Variants in SH3BGR observed in about 807,000 individuals in gnomAD.
SH3BGR encodes SH3 domain binding glutamate rich protein, also known as SH3 domain-binding glutamic acid-rich protein.
Under a neutral mutation model 24.5 loss-of-function variants are expected in SH3BGR, and 29 were observed. The ratio of observed to expected loss-of-function variants is 1.18; its 90% CI spans 0.88 to 1.61. The LOEUF is 1.61. SH3BGR is among the 40% of genes most tolerant of loss of function. SH3BGR has a pLI of 0.00. For synonymous variants in SH3BGR, 55 were observed against 65.7 expected, an observed-to-expected ratio of 0.84 and a Z score of 0.79; for missense variants, 162 against 205.8, an observed-to-expected ratio of 0.79 and a Z score of 1.30.
chr21:39,476,931 C>T (rs1490962702), intron 3 of SH3BGR, among the ~76,000 whole-genome samples: 4 of 152,100 alleles, frequency 2.6e-5, no homozygotes, highest in Non-Finnish European at 1.5e-5. Context: ...CACCAAGAGT[C>T]CCAATAAACA....
At chr21:39,508,443 CCA>C (rs2078621376) in intron 4 of SH3BGR, among the ~76,000 whole-genome samples, 2 of 152,188 alleles carry the variant, frequency 1.3e-5, no homozygotes, top group Admixed American at 1.3e-4. Context: ...TTGGGTGACC[CCA>C]CCCACTCTTA....
chr21:39,475,031 G>A (rs2078004317), intron 2 of SH3BGR, 104 bp from the exon 3 acceptor site: 1 of 667,608 alleles, frequency 1.5e-6, no homozygotes, highest in South Asian at 2.0e-5. Flanking sequence ...CTTTTTGTGT[G>A]AGCTCCTAAC....
chr21:39,478,461 CA>C (rs2078064259), intron 3 of SH3BGR, among the ~76,000 whole-genome samples: 1 of 152,086 alleles, frequency 6.6e-6, no homozygotes, highest in South Asian at 2.1e-4. Flanking sequence ...TTTTAGGGTC[CA>C]ATTTTTTGGT....
At position 39,509,145 on chromosome 21, in the gene SH3BGR, A is replaced by G. The variant is rs997709272; in HGVS notation, c.435+118A>G. The G allele has an allele frequency of 3.8e-5, 27 of 707,850 alleles. No homozygotes were observed. The African/African-American group carries it at 4.7e-4, about 12-fold the overall frequency. The allele number at this position is 707,850 out of a possible 1,614,324, so 43.8% of individuals were successfully genotyped here. A position where few individuals can be genotyped will look rare whatever the true frequency, so the allele number is the denominator to read the frequency against. ...AACATAAGAGAGCGATGCAACCCAC[A>G]CACCCAGAAAATCCTCCTTTAACAT... On this transcript the variant is annotated intron_variant, in intron 5 of 6. Transcript: ENST00000333634.
intron 6 of SH3BGR, among the ~76,000 whole-genome samples, chr21:39,513,621 C>G (rs2078735025): frequency 6.6e-6 from 1 of 152,126 alleles, no homozygotes; most frequent in East Asian, 1.9e-4. Context: ...CCACAGACTT[C>G]TACTTTAAAG....
At chr21:39,451,706 A>AC, upstream of SH3BGR, 1 of 618,426 alleles carries the variant, frequency 1.6e-6, no homozygotes, top group South Asian at 2.1e-5. Flanking sequence ...CTGCTCTGTT[A>AC]CCGGGGCCCC....
intron 2 of SH3BGR, 137 bp from the exon 3 acceptor site, chr21:39,474,998 T>G: frequency 1.7e-6 from 1 of 591,876 alleles, no homozygotes; most frequent in South Asian, 2.1e-5. Flanking sequence ...GTTAGTCATC[T>G]TTGATAAAGC....
intron 2 of SH3BGR, among the ~76,000 whole-genome samples, chr21:39,465,896 A>G (rs978467716): frequency 3.9e-5 from 6 of 152,174 alleles, no homozygotes; most frequent in Non-Finnish European, 8.8e-5. Flanking sequence ...TGGCTGCCCC[A>G]TATTTTAATG....
chr21:39,456,612 G>C (rs1033542070), intron 1 of SH3BGR, among the ~76,000 whole-genome samples: 1 of 146,716 alleles, frequency 6.8e-6, no homozygotes, highest in African/African-American at 2.5e-5. Context: ...ATTCCATGCG[G>C]GGTAGCAGAT....
chr21:39,514,871 G>T (rs2078755906), intron 6 of SH3BGR, among the ~76,000 whole-genome samples: 1 of 152,212 alleles, frequency 6.6e-6, no homozygotes, highest in African/African-American at 2.4e-5. Flanking sequence ...CTTCCTTATG[G>T]TGTTTGATAT....
chr21:39,484,070 G>A (rs990872286), intron 3 of SH3BGR, among the ~76,000 whole-genome samples: 3 of 152,208 alleles, frequency 2.0e-5, no homozygotes, highest in Admixed American at 6.5e-5. Flanking sequence ...GATAAGAGCT[G>A]AGGCAAGAAA....
intron 1 of SH3BGR, among the ~76,000 whole-genome samples, chr21:39,457,275 CAT>C (rs2077673068): frequency 7.4e-6 from 1 of 134,990 alleles, no homozygotes; most frequent in Admixed American, 7.5e-5. Context: ...ATATAAAAGT[CAT>C]ATATAAGATT....
chr21:39,500,067 G>A (rs1425023307), intron 4 of SH3BGR, 152 bp downstream of exon 4: 2 of 623,964 alleles, frequency 3.2e-6, no homozygotes, highest in Admixed American at 5.5e-5. Context: ...AATTTCTACT[G>A]ATGTGTTAAG....
At chr21:39,447,357 T>C (rs990085571), upstream of SH3BGR, among the ~76,000 whole-genome samples, 1 of 152,004 alleles carries the variant, frequency 6.6e-6, no homozygotes, top group African/African-American at 2.4e-5. Flanking sequence ...TTTCCCAGTC[T>C]GTAGACATGA....
At chr21:39,453,951 A>G (rs1417320606) in intron 1 of SH3BGR, among the ~76,000 whole-genome samples, 1 of 152,132 alleles carries the variant, frequency 6.6e-6, no homozygotes, top group East Asian at 1.9e-4. Flanking sequence ...TATAATTGTT[A>G]TTATTAGTTA....
At chr21:39,499,764 G>A in intron 3 of SH3BGR, 59 bp from the exon 4 acceptor site, 2 of 1,041,766 alleles carry the variant, frequency 1.9e-6, no homozygotes, top group South Asian at 1.6e-5. Flanking sequence ...TATGTGGCCT[G>A]TTTTTTTTTT....
chr21:39,495,896 G>A (rs1446142479), intron 3 of SH3BGR, among the ~76,000 whole-genome samples: 1 of 152,050 alleles, frequency 6.6e-6, no homozygotes, highest in Admixed American at 6.6e-5. Flanking sequence ...CTGATTAATG[G>A]AGAAAAACCA....
chr21:39,477,510 T>A (rs1164062879), intron 3 of SH3BGR, among the ~76,000 whole-genome samples: 1 of 152,226 alleles, frequency 6.6e-6, no homozygotes, highest in Non-Finnish European at 1.5e-5. Flanking sequence ...AACTCTGCAC[T>A]GATTTTCACC....
intron 4 of SH3BGR, among the ~76,000 whole-genome samples, chr21:39,506,446 C>T (rs183806882): frequency 6.7e-4 from 102 of 152,190 alleles, no homozygotes; most frequent in African/African-American, 2.1e-3. Flanking sequence ...TCTGTTCTCA[C>T]GCTGCTAATA....
Sources: gnomAD v4.1 joint callset for allele counts (sites outside exome capture counted in the v4.1 genomes callset) on GRCh38, gnomAD v4.1.1 for gene constraint, MANE v1.5 for transcripts, NCBI Gene and HGNC (gene_info 2026-07-23, HGNC 2026-07-21) for gene names.